Variants in TNR observed in about 807,000 individuals in gnomAD.
The protein encoded by TNR is tenascin R.
Under a neutral mutation model 150.4 loss-of-function variants are expected in TNR, and 45 were observed. The ratio of observed to expected loss-of-function variants is 0.30; its 90% CI spans 0.24 to 0.38. TNR has a LOEUF of 0.38. Ranked by LOEUF, TNR falls within the 10% of genes least tolerant of loss-of-function variation. The pLI is 1.00. For synonymous variants in TNR, 687 were observed against 678.4 expected (o/e 1.01, Z -0.20); for missense variants, 1,544 against 1,759.1 (o/e 0.88, Z 2.19).
intron 2 of TNR, among the ~76,000 whole-genome samples, chr1:175,431,529 C>T (rs1655259326): frequency 6.6e-6 from 1 of 152,210 alleles, no homozygotes; most frequent in Non-Finnish European, 1.5e-5. Context: ...GTTGAACTAG[C>T]ATCCAATCAG....
intron 1 of TNR, among the ~76,000 whole-genome samples, chr1:175,610,579 C>T (rs752657558): frequency 1.8e-4 from 27 of 152,178 alleles, no homozygotes; most frequent in Non-Finnish European, 3.5e-4. Context: ...TCTATTAGCC[C>T]ATCATGGCAG....
chr1:175,594,239 AT>A (rs113397882), intron 1 of TNR, among the ~76,000 whole-genome samples: 25,211 of 149,312 alleles, frequency 0.17, 3,214 homozygotes, highest in African/African-American at 0.36. Flanking sequence ...GCCTCTGAGC[AT>A]TTTTTTTTTC....
intron 2 of TNR, among the ~76,000 whole-genome samples, chr1:175,412,494 C>T (rs1248173355): frequency 6.6e-6 from 1 of 152,138 alleles, no homozygotes; most frequent in African/African-American, 2.4e-5. Context: ...GCAATTGTAA[C>T]CCAGTAAACC....
intron 1 of TNR, among the ~76,000 whole-genome samples, chr1:175,616,752 G>T (rs1663790467): frequency 6.6e-6 from 1 of 152,112 alleles, no homozygotes; most frequent in Admixed American, 6.5e-5. Context: ...GTTGAGAACT[G>T]GGAAAACTGG....
At position 175,667,567 on chromosome 1, in the gene TNR, T is replaced by C. The variant is rs566808004; in HGVS notation, c.-165+75659A>G. On this transcript the variant is annotated intron_variant, in intron 1 of 22. Transcript: ENST00000367674. ...AATTTCCAGTCTGATTGGGGAGGCA[T>C]ACAAGTAAACAGGGAATTTCACATC... Among the ~76,000 whole-genome samples, 6 of 152,280 alleles carry C rather than the reference T, an allele frequency of 3.9e-5. No individual in the cohort carries two copies. The East Asian group carries it at 1.2e-3, about 29-fold the overall frequency.
chr1:175,727,822 C>A (rs1052736977), intron 1 of TNR, among the ~76,000 whole-genome samples: 1 of 151,968 alleles, frequency 6.6e-6, no homozygotes, highest in Non-Finnish European at 1.5e-5. Flanking sequence ...TGAGGGACTG[C>A]CTGTCTATAA....
rs567037693 is a variant in TNR at position 175,677,957 on chromosome 1, A to G, written c.-165+65269T>C. The stretch of plus-strand genomic sequence containing the variant: ...GGGGCTAGGAGTAAGTGCCAGCAGG[A>G]ATGAGTGCTTTCCCACCGAGAAGTG... On this transcript the variant is annotated intron_variant, in intron 1 of 22. Transcript: ENST00000367674. Among the ~76,000 whole-genome samples, 11 of 152,118 alleles carry G rather than the reference A, an allele frequency of 7.2e-5. No homozygotes were observed. In the South Asian group the frequency reaches 2.3e-3, roughly 32 times the overall value.
chr1:175,536,800 G>A (rs1315846532), intron 1 of TNR, among the ~76,000 whole-genome samples: 1 of 152,178 alleles, frequency 6.6e-6, no homozygotes, highest in Non-Finnish European at 1.5e-5. Context: ...CTACTTCTCT[G>A]AGCACTAGGA....
chr1:175,696,736 G>A (rs149754091), intron 1 of TNR, among the ~76,000 whole-genome samples: 3,994 of 152,100 alleles, frequency 0.026, 170 homozygotes, highest in African/African-American at 0.09. Flanking sequence ...AAAATTAGCC[G>A]GGTATGGTGG....
chr1:175,680,080 C>G (rs147112935), intron 1 of TNR, among the ~76,000 whole-genome samples: 1 of 152,202 alleles, frequency 6.6e-6, no homozygotes, highest in African/African-American at 2.4e-5. Flanking sequence ...AAGCCAACAA[C>G]CACCCAGCTG....
chr1:175,537,087 G>C (rs968940248), intron 1 of TNR, among the ~76,000 whole-genome samples: 1 of 152,182 alleles, frequency 6.6e-6, no homozygotes, highest in Non-Finnish European at 1.5e-5. Context: ...TTCATTACCA[G>C]GAGGCTTTGG....
intron 1 of TNR, among the ~76,000 whole-genome samples, chr1:175,651,348 G>A (rs560918801): frequency 5.3e-5 from 8 of 152,110 alleles, no homozygotes; most frequent in East Asian, 3.9e-4. Context: ...GAGGGGAAAG[G>A]TTACCTTGAG....
At chr1:175,688,706 C>T (rs760789659) in intron 1 of TNR, among the ~76,000 whole-genome samples, 2 of 152,200 alleles carry the variant, frequency 1.3e-5, no homozygotes, top group Non-Finnish European at 2.9e-5. Flanking sequence ...TCAGAAGCAA[C>T]ATGTGACTTT....
At chr1:175,378,554 T>C (rs1371370821) in intron 9 of TNR, among the ~76,000 whole-genome samples, 1 of 152,180 alleles carries the variant, frequency 6.6e-6, no homozygotes, top group Non-Finnish European at 1.5e-5. Flanking sequence ...ATTTGACCAC[T>C]AAAGCTCCCT....
At chr1:175,550,556 C>A (rs1660899255) in intron 1 of TNR, among the ~76,000 whole-genome samples, 1 of 151,068 alleles carries the variant, frequency 6.6e-6, no homozygotes, top group South Asian at 2.1e-4. Context: ...GGAACAATGT[C>A]TCTGTAGAAA....
intron 1 of TNR, among the ~76,000 whole-genome samples, chr1:175,548,538 G>A (rs545120164): frequency 1.1e-4 from 16 of 151,860 alleles, no homozygotes; most frequent in African/African-American, 3.4e-4. Context: ...TCCTATATCC[G>A]CTCTTTCTCT....
intron 5 of TNR, among the ~76,000 whole-genome samples, chr1:175,396,140 G>A (rs1385162299): frequency 6.6e-6 from 1 of 152,172 alleles, no homozygotes; most frequent in Non-Finnish European, 1.5e-5. Flanking sequence ...ATACACTTAT[G>A]GTCGAGAACA....
intron 9 of TNR, among the ~76,000 whole-genome samples, chr1:175,367,512 G>T (rs894364254): frequency 6.6e-6 from 1 of 152,182 alleles, no homozygotes; most frequent in South Asian, 2.1e-4. Context: ...CTTCCTTCTT[G>T]CAGGCAGGCT....
chr1:175,718,737 T>G (rs1437886713), intron 1 of TNR, among the ~76,000 whole-genome samples: 1 of 152,246 alleles, frequency 6.6e-6, no homozygotes, highest in Non-Finnish European at 1.5e-5. Flanking sequence ...ATCTGTCACA[T>G]GGCCATATCA....
Sources: allele counts gnomAD v4.1 joint callset (sites outside exome capture counted in the v4.1 genomes callset), GRCh38; gene constraint gnomAD v4.1.1; transcripts MANE v1.5; gene names NCBI Gene and HGNC (gene_info 2026-07-23, HGNC 2026-07-21).